The following PTPRD variants were observed in gnomAD, a reference collection of about 807,000 sequenced individuals.
PTPRD encodes receptor-type tyrosine-protein phosphatase delta.
A neutral mutation model predicts 214.5 loss-of-function variants in PTPRD; 34 were observed. That is an observed-to-expected ratio of 0.16 (90% CI 0.12 to 0.21). PTPRD has a LOEUF of 0.21. Ranked by LOEUF, PTPRD falls within the 10% of genes least tolerant of loss-of-function variation. The probability of loss-of-function intolerance (pLI) is 1.00; values close to 1 mark genes in which losing one functional copy is unlikely to be tolerated. For synonymous variants in PTPRD, 1,128 were observed against 845.7 expected, an observed-to-expected ratio of 1.33 and a Z score of -5.79; for missense variants, 2,545 against 2,398.7, an observed-to-expected ratio of 1.06 and a Z score of -1.27.
chr9:8,462,587 C>T (rs2096443446), intron 32 of PTPRD, among the ~76,000 whole-genome samples: 1 of 151,972 alleles, frequency 6.6e-6, no homozygotes, highest in Non-Finnish European at 1.5e-5. Context: ...CTTGCTACTA[C>T]TCCCTAAAGG....
At chr9:9,630,641 A>T (rs1265110170) in intron 7 of PTPRD, among the ~76,000 whole-genome samples, 2 of 152,232 alleles carry the variant, frequency 1.3e-5, no homozygotes, top group East Asian at 3.8e-4. Context: ...GAGAGTCAGT[A>T]TGCAAAATCC....
At position 8,404,528 on chromosome 9, in the gene PTPRD, T is replaced by C; in HGVS notation, c.4210+9A>G. 1 of 1,606,242 alleles carries C rather than the reference T, an allele frequency of 6.2e-7. No individual in the cohort carries two copies. The highest frequency in any genetic ancestry group is 8.5e-7 in the Non-Finnish European group (1 of 1,174,004). On this transcript the variant is annotated intron_variant, in intron 36 of 45. Transcript: ENST00000381196. ...AATAAAGGTATCAGTGATGTCTGCA[T>C]TTCCTTACCTTCTATAGCTGATAGG...
intron 2 of PTPRD, among the ~76,000 whole-genome samples, chr9:10,345,004 C>G (rs1167949635): frequency 6.6e-6 from 1 of 151,962 alleles, no homozygotes; most frequent in African/African-American, 2.4e-5. Context: ...GTAATTTTAT[C>G]TTTCTGAGCA....
intron 11 of PTPRD, among the ~76,000 whole-genome samples, chr9:8,844,349 C>T (rs991450125): frequency 1.3e-5 from 2 of 152,068 alleles, no homozygotes; most frequent in Admixed American, 6.6e-5. Flanking sequence ...AAGATTTTCA[C>T]AATCAGAAAA....
chr9:10,458,106 G>C (rs932366803), intron 2 of PTPRD, among the ~76,000 whole-genome samples: 3 of 151,980 alleles, frequency 2.0e-5, no homozygotes, highest in African/African-American at 7.2e-5. Flanking sequence ...TGGCTTTATA[G>C]CTGAATTTGA....
chr9:8,323,124 C>T (rs1314790104), intron 44 of PTPRD, among the ~76,000 whole-genome samples: 2 of 152,146 alleles, frequency 1.3e-5, no homozygotes, highest in African/African-American at 4.8e-5. Flanking sequence ...GATGATAAGA[C>T]ATCCGTTTAT....
chr9:9,590,486 T>G (rs1229443531), intron 7 of PTPRD, among the ~76,000 whole-genome samples: 1 of 152,084 alleles, frequency 6.6e-6, no homozygotes, highest in Non-Finnish European at 1.5e-5. Context: ...GACTACTTCT[T>G]CTTATTATCT....
At chr9:8,921,187 G>C (rs1352696279) in intron 11 of PTPRD, among the ~76,000 whole-genome samples, 1 of 152,192 alleles carries the variant, frequency 6.6e-6, no homozygotes, top group African/African-American at 2.4e-5. Flanking sequence ...GCTATTCATT[G>C]ACACATTAGA....
intron 9 of PTPRD, among the ~76,000 whole-genome samples, chr9:9,384,150 T>A (rs186522210): frequency 4.9e-4 from 75 of 151,916 alleles, no homozygotes; most frequent in Admixed American, 7.9e-4. Flanking sequence ...AATTTATATT[T>A]TACAAACAAA....
intron 5 of PTPRD, among the ~76,000 whole-genome samples, chr9:9,777,114 A>T (rs2098804375): frequency 6.6e-6 from 1 of 152,244 alleles, no homozygotes; most frequent in African/African-American, 2.4e-5. Flanking sequence ...GCTAACATGT[A>T]ATATAGTAAG....
intron 11 of PTPRD, among the ~76,000 whole-genome samples, chr9:9,015,222 G>A (rs2099529601): frequency 6.6e-6 from 1 of 152,102 alleles, no homozygotes; most frequent in African/African-American, 2.4e-5. Flanking sequence ...AGACCTACTG[G>A]GCTGTATTCT....
intron 8 of PTPRD, among the ~76,000 whole-genome samples, chr9:9,572,955 T>G (rs2087002480): frequency 6.6e-6 from 1 of 151,580 alleles, no homozygotes; most frequent in Non-Finnish European, 1.5e-5. Flanking sequence ...TGATAAACAC[T>G]TGGTGAATTG....
At chr9:10,561,827 A>G (rs2064052127) in intron 2 of PTPRD, among the ~76,000 whole-genome samples, 1 of 152,110 alleles carries the variant, frequency 6.6e-6, no homozygotes. Flanking sequence ...TTGGCTTTTA[A>G]TATTAATATC....
intron 8 of PTPRD, among the ~76,000 whole-genome samples, chr9:9,511,980 A>G (rs2096721107): frequency 6.6e-6 from 1 of 151,776 alleles, no homozygotes; most frequent in African/African-American, 2.4e-5. Context: ...TCTAGGAAAT[A>G]GGTCATAAAT....
intron 7 of PTPRD, among the ~76,000 whole-genome samples, chr9:9,625,233 C>T (rs1441511305): frequency 6.6e-6 from 1 of 152,176 alleles, no homozygotes; most frequent in Non-Finnish European, 1.5e-5. Flanking sequence ...ACAGTACACA[C>T]AAGGCCAGAA....
chr9:10,055,160 G>C (rs1666557018), intron 3 of PTPRD, among the ~76,000 whole-genome samples: 1 of 151,990 alleles, frequency 6.6e-6, no homozygotes, highest in Non-Finnish European at 1.5e-5. Context: ...CAGACCCTAA[G>C]AAATAAATGT....
intron 10 of PTPRD, among the ~76,000 whole-genome samples, chr9:9,087,232 G>A (rs1206244920): frequency 6.6e-6 from 1 of 152,008 alleles, no homozygotes; most frequent in East Asian, 1.9e-4. Context: ...GATTTCCCCA[G>A]TTACCAAAGC....
intron 11 of PTPRD, among the ~76,000 whole-genome samples, chr9:8,922,261 G>A (rs547640310): frequency 1.2e-4 from 19 of 152,068 alleles, no homozygotes; most frequent in South Asian, 8.3e-4. Context: ...GAAATGGGTG[G>A]ACCCAACTGA....
At chr9:8,727,871 A>C (rs2098602785) in intron 12 of PTPRD, among the ~76,000 whole-genome samples, 1 of 152,150 alleles carries the variant, frequency 6.6e-6, no homozygotes. Context: ...AATACCATAA[A>C]GTTCTCCCAT....
Sources: gnomAD v4.1 joint callset for allele counts (sites outside exome capture counted in the v4.1 genomes callset) on GRCh38, gnomAD v4.1.1 for gene constraint, MANE v1.5 for transcripts, NCBI Gene and HGNC (gene_info 2026-07-23, HGNC 2026-07-21) for gene names.